The following FGFR3 variants were observed in gnomAD, a reference collection of about 807,000 sequenced individuals.
The protein encoded by FGFR3 is FGFR-3.
In FGFR3, 25 loss-of-function variants were observed where a neutral mutation model predicts 82.9. The observed-to-expected ratio is 0.30, with a 90% CI of 0.22 to 0.42. The LOEUF (loss-of-function observed/expected upper bound fraction) is 0.42, where lower values mean the gene tolerates loss of function less well. Ranked by LOEUF, FGFR3 falls within the 10% of genes least tolerant of loss-of-function variation. FGFR3 has a pLI of 1.00. For synonymous variants in FGFR3, 620 were observed against 516.0 expected, an observed-to-expected ratio of 1.20 and a Z score of -2.73; for missense variants, 1,026 against 1,161.0, an observed-to-expected ratio of 0.88 and a Z score of 1.69.
At chr4:1,800,148 T>A (rs1056028230) in intron 4 of FGFR3, among the ~76,000 whole-genome samples, 1 of 151,846 alleles carries the variant, frequency 6.6e-6, no homozygotes, top group Non-Finnish European at 1.5e-5. Flanking sequence ...CCGCAGACAT[T>A]AGCGCAGCAG....
chr4:1,795,526 C>T (rs917092198), intron 2 of FGFR3, among the ~76,000 whole-genome samples: 1 of 151,254 alleles, frequency 6.6e-6, no homozygotes, highest in Non-Finnish European at 1.5e-5. Context: ...ACAAGATGGG[C>T]CGGGCAGTAA....
chr4:1,807,237 C>T lies in FGFR3; in HGVS notation c.2396C>T (p.Pro799Leu), dbSNP rs150452037. The T allele has an allele frequency of 6.2e-5, 100 of 1,607,720 alleles. No homozygotes were observed. In the African/African-American group the frequency reaches 1.2e-3, roughly 19 times the overall value. The change falls in exon 18 of 18, where the codon CCC (proline) becomes CTC (leucine). Residue 799 changes from proline (P) to leucine (L), a missense_variant. Transcript: ENST00000440486. ...CACGACCTGCTGCCCCCGGCCCCAC[C>T]CAGCAGTGGGGGCTCGCGGACGTGA... Reference protein sequence around the residue: ...FAHDLLPPAPPSSGGSRT With the variant: ...FAHDLLPPAPLSSGGSRT
intron 10 of FGFR3, 68 bp downstream of exon 10, chr4:1,805,037 C>CA: frequency 6.7e-7 from 1 of 1,493,600 alleles, no homozygotes; most frequent in Non-Finnish European, 9.0e-7. Flanking sequence ...AGCCACCAGT[C>CA]AGAGGCCCGG....
chr4:1,802,453 C>T (rs755101907), intron 7 of FGFR3, among the ~76,000 whole-genome samples: 36 of 152,202 alleles, frequency 2.4e-4, no homozygotes, highest in African/African-American at 8.4e-4. Flanking sequence ...ACTGTCTGCC[C>T]GCCTCCTGAA....
chr4:1,804,663 TAGA>T, intron 9 of FGFR3, 143 bp downstream of exon 9: 1 of 1,414,510 alleles, frequency 7.1e-7, no homozygotes. Flanking sequence ...GCTCACCATG[TAGA>T]GCCTAGGGTA....
chr4:1,802,806 T>C, intron 7 of FGFR3: 3 of 1,385,460 alleles, frequency 2.2e-6, no homozygotes, highest in Non-Finnish European at 2.8e-6. Flanking sequence ...CCTTTGGGGC[T>C]GACGCAGCCC....
Position 1,808,388 on chromosome 4 carries a change from T to C in FGFR3, c.*1126T>C, listed in dbSNP as rs1722234208. 4.3e-6 allele frequency: 1 copy of C among 232,448 alleles called. No homozygotes were observed. The highest frequency in any genetic ancestry group is 8.5e-6 in the Non-Finnish European group (1 of 117,440). 14.4% of individuals were successfully genotyped at this position (232,448 alleles called of 1,614,324 possible). On this transcript the variant is annotated 3_prime_UTR_variant, in exon 18 of 18. Transcript: ENST00000440486. ...GAATTAGATTTCTATAGGATTTTTC[T>C]TTAGGAGATTTATTTTTTGGACTTC...
At chr4:1,796,607 G>A (rs368097797) in intron 2 of FGFR3, among the ~76,000 whole-genome samples, 10 of 152,116 alleles carry the variant, frequency 6.6e-5, no homozygotes, top group African/African-American at 2.2e-4. Flanking sequence ...GGGTCAACCC[G>A]AGGGGCTTAT....
Position 1,794,166 on chromosome 4 carries a change from G to T in FGFR3, c.109+123G>T, listed in dbSNP as rs544374859. On this transcript the variant is annotated intron_variant, in intron 2 of 17. Coordinates refer to ENST00000440486, the MANE Select transcript of FGFR3 (RefSeq NM_000142.5). ...GAGTGACGCCCCGGGGTTAGAGCCCGGATTCCGCTGCCTCCTTGCCGGAGA... is the reference window on the plus strand; with the variant it reads ...GAGTGACGCCCCGGGGTTAGAGCCCTGATTCCGCTGCCTCCTTGCCGGAGA... The T allele has an allele frequency of 1.7e-5, 8 of 462,864 alleles. No individual in the cohort carries two copies. In the Admixed American group the frequency reaches 3.3e-4, roughly 19 times the overall value. The allele number at this position is 462,864 out of a possible 1,614,324, so 28.7% of individuals were successfully genotyped here.
Position 1,801,988 on chromosome 4 carries a change from T to G in FGFR3, c.893T>G (p.Val298Gly), listed in dbSNP as rs2108784831. 1 of 1,612,540 alleles carries G rather than the reference T, an allele frequency of 6.2e-7. No homozygotes were observed. The highest frequency in any genetic ancestry group is 8.5e-7 in the Non-Finnish European group (1 of 1,179,792). ...CACGTGGAGGTGAATGGCAGCAAGG[T>G]GGGCCCGGACGGCACACCCTACGTT... ...LKHVEVNGSK[V>G]GPDGTPYVTV... is the part of the protein sequence containing the mutation. The change falls in exon 7 of 18, where the codon GTG becomes GGG. Residue 298 changes from valine (V) to glycine (G), a missense_variant. Physicochemically the swap from Val to Gly is moderately radical, Grantham distance 109. Coordinates refer to ENST00000440486, the MANE Select transcript of FGFR3 (RefSeq NM_000142.5).
At chr4:1,796,697 G>A (rs985519855) in intron 2 of FGFR3, among the ~76,000 whole-genome samples, 1 of 152,118 alleles carries the variant, frequency 6.6e-6, no homozygotes, top group Non-Finnish European at 1.5e-5. Flanking sequence ...CCAGAGCCTG[G>A]AGAAAGGTTC....
chr4:1,806,196 G>A (rs1245504961), intron 14 of FGFR3, 23 bp downstream of exon 14: 1 of 1,612,598 alleles, frequency 6.2e-7, no homozygotes, highest in Non-Finnish European at 8.5e-7. Context: ...CTGGGGTGCG[G>A]GGGTGGGGGT....
chr4:1,808,200 C>T lies in FGFR3; in HGVS notation c.*938C>T, dbSNP rs1208896026. Reference sequence around the variant, plus strand: ...CATGGCGGAGAGTTTTAATTTTTAACTTATTGACAACCGAGAAGGTTTATC... The same window carrying T: ...CATGGCGGAGAGTTTTAATTTTTAATTTATTGACAACCGAGAAGGTTTATC... On this transcript the variant is annotated 3_prime_UTR_variant, in exon 18 of 18. Transcript: ENST00000440486. The T allele has an allele frequency of 4.3e-6, 1 of 232,848 alleles. No homozygotes were observed. The highest frequency in any genetic ancestry group is 2.2e-5 in the African/African-American group (1 of 45,414). 14.4% of individuals were successfully genotyped at this position (232,848 alleles called of 1,614,324 possible). A position where few individuals can be genotyped will look rare whatever the true frequency, so the allele number is the denominator to read the frequency against.
At chr4:1,804,294 G>GGCCA (rs1721584048) in intron 8 of FGFR3, 36 bp from the exon 9 acceptor site, 1 of 1,553,310 alleles carries the variant, frequency 6.4e-7, no homozygotes, top group African/African-American at 1.4e-5. Flanking sequence ...GTGGGGGGGG[G>GGCCA]GGCCAGGCCA....
At chr4:1,803,869 C>G (rs1258690842) in intron 8 of FGFR3, 33 bp downstream of exon 8, 2 of 1,604,050 alleles carry the variant, frequency 1.2e-6, no homozygotes, top group Admixed American at 1.7e-5. Context: ...CTGCTCCGCA[C>G]TGTCTGGGGG....
At position 1,804,444 on chromosome 4, in the gene FGFR3, G is replaced by A. The variant is rs542210035; in HGVS notation, c.1190G>A (p.Arg397His). The A allele has an allele frequency of 2.2e-5, 35 of 1,612,612 alleles. No individual in the cohort carries two copies. The South Asian group carries it at 2.3e-4, about 11-fold the overall frequency. The change falls in exon 9 of 18, where the codon CGC becomes CAC. Residue 397 changes from arginine (R) to histidine (H), a missense_variant. Physicochemically the swap from Arg to His is conservative, Grantham distance 29. Transcript: ENST00000440486. ...ILVVAAVTLC[R>H]LRSPPKKGLG... ...GTGGTGGCGGCTGTGACGCTCTGCCGCCTGCGCAGCCCCCCCAAGAAAGGC... is the reference window on the plus strand; with the variant it reads ...GTGGTGGCGGCTGTGACGCTCTGCCACCTGCGCAGCCCCCCCAAGAAAGGC...
intron 2 of FGFR3, among the ~76,000 whole-genome samples, chr4:1,797,155 G>A (rs1720611418): frequency 6.6e-6 from 1 of 152,164 alleles, no homozygotes; most frequent in South Asian, 2.1e-4. Flanking sequence ...TCCCTTTTGT[G>A]GATCAAGAAA....
intron 7 of FGFR3, chr4:1,803,016 G>A: frequency 6.2e-7 from 1 of 1,602,466 alleles, no homozygotes; most frequent in Non-Finnish European, 8.5e-7. Context: ...CAATTTCATA[G>A]GCGTGGCCGA....
At chr4:1,806,506 T>C in intron 15 of FGFR3, 40 bp from the exon 16 acceptor site, 1 of 1,612,692 alleles carries the variant, frequency 6.2e-7, no homozygotes, top group Non-Finnish European at 8.5e-7. Context: ...GTGTCTGTCC[T>C]GGGAGTCTCA....
Sources: gnomAD v4.1 joint callset for allele counts (sites outside exome capture counted in the v4.1 genomes callset) on GRCh38, gnomAD v4.1.1 for gene constraint, MANE v1.5 for transcripts, NCBI Gene and HGNC (gene_info 2026-07-23, HGNC 2026-07-21) for gene names.